Variants in ELAVL2 observed in about 807,000 individuals in gnomAD.
ELAVL2 encodes the protein ELAV like RNA binding protein 2, also known as ELAV-like protein 2.
A neutral mutation model predicts 34.6 loss-of-function variants in ELAVL2; 4 were observed. The ratio of observed to expected loss-of-function variants is 0.12; its 90% confidence interval spans 0.06 to 0.26. ELAVL2 has a LOEUF of 0.26. ELAVL2 is among the 10% of genes least tolerant of loss of function. The probability of loss-of-function intolerance (pLI) is 1.00; values close to 1 mark genes in which losing one functional copy is unlikely to be tolerated. For synonymous variants in ELAVL2, 193 were observed against 154.8 expected (o/e 1.25, Z -1.83); for missense variants, 432 against 442.8 (o/e 0.98, Z 0.22).
rs549208054 is a variant in ELAVL2, at chr9:23,709,182, G to A, written c.334-4111C>T. ...TCCTACCCCTATCCCTTTATTTACTGTTCTTGGAATTAAAACAGCTTCCTT... is the reference window on the plus strand; with the variant it reads ...TCCTACCCCTATCCCTTTATTTACTATTCTTGGAATTAAAACAGCTTCCTT... On this transcript the variant is annotated intron_variant, in intron 3 of 6. Coordinates refer to ENST00000397312, the MANE Select transcript of ELAVL2 (RefSeq NM_004432.5). Among the ~76,000 whole-genome samples the A allele has an allele frequency of 1.0e-3, 154 of 152,182 alleles. No individual in the cohort carries two copies. The Middle Eastern group carries it at 0.014, about 13-fold the overall frequency.
chr9:23,762,018 C>T lies in ELAVL2; in HGVS notation c.217G>A (p.Asp73Asn). ...GEIESCKLVR[D>N]KITGQSLGYG... ...TAAAACTGCTTACCTGTTATTTTGT[C>T]TCTTACAAGCTTACAGGACTCTATT... Residue 73 changes from aspartate to asparagine, a missense_variant, in exon 2 of 7, where the codon GAC becomes AAC. By Grantham distance (23) the Asp-to-Asn change is conservative. Around this residue, in one of 3 missense-constraint regions of ELAVL2, gnomAD observed 132 missense variants for 118.3 expected, o/e 1.12. Transcript: ENST00000397312. The T allele has an allele frequency of 6.2e-7, 1 of 1,611,246 alleles. No homozygotes were observed. The highest frequency in any genetic ancestry group is 8.5e-7 in the Non-Finnish European group (1 of 1,178,502).
intron 1 of ELAVL2, among the ~76,000 whole-genome samples, chr9:23,795,530 G>A (rs2060815072): frequency 6.6e-6 from 1 of 152,210 alleles, no homozygotes; most frequent in East Asian, 1.9e-4. Context: ...GCGAGACAGA[G>A]CAAGACTCCA....
At chr9:23,759,823 T>A (rs1409443865) in intron 2 of ELAVL2, among the ~76,000 whole-genome samples, 1 of 143,626 alleles carries the variant, frequency 7.0e-6, no homozygotes, top group Non-Finnish European at 1.5e-5. Flanking sequence ...TTTAGAAACA[T>A]CTTTCAATAC....
At chr9:23,803,382 G>A (rs1167581077) in intron 1 of ELAVL2, among the ~76,000 whole-genome samples, 1 of 152,196 alleles carries the variant, frequency 6.6e-6, no homozygotes, top group East Asian at 1.9e-4. Flanking sequence ...AAATGCTTGA[G>A]TATCTTATGA....
At chr9:23,807,081 C>A (rs2062332667) in intron 1 of ELAVL2, among the ~76,000 whole-genome samples, 1 of 152,086 alleles carries the variant, frequency 6.6e-6, no homozygotes, top group Non-Finnish European at 1.5e-5. Flanking sequence ...ATGGTATAAG[C>A]TAAAAGGCAT....
the ELAVL2 span, among the ~76,000 whole-genome samples, chr9:23,833,324 T>A: frequency 1.2e-4 from 18 of 151,824 alleles, no homozygotes; most frequent in Admixed American, 1.2e-3. Context: ...GAAAACAAGT[T>A]TGAATTACCA....
At chr9:23,752,937 G>A (rs1376760497) in intron 2 of ELAVL2, among the ~76,000 whole-genome samples, 1 of 152,064 alleles carries the variant, frequency 6.6e-6, no homozygotes, top group Admixed American at 6.6e-5. Context: ...TTTTAACTGC[G>A]AATCTGTTTC....
intron 5 of ELAVL2, among the ~76,000 whole-genome samples, chr9:23,700,608 C>T (rs1021174950): frequency 7.2e-5 from 11 of 152,208 alleles, no homozygotes; most frequent in Admixed American, 5.9e-4. Flanking sequence ...CTAAGAATGG[C>T]TTTTACATTT....
rs2033956885 is a variant in ELAVL2 at position 23,693,480 on chromosome 9, G to A, written c.720C>T (p.Asp240=). Reference sequence around the variant, plus strand: ...CTCCATAAGCCATATTGAGCAGATTGTCCAACCTGCAAAACACACATTTAG... The same window carrying A: ...CTCCATAAGCCATATTGAGCAGATTATCCAACCTGCAAAACACACATTTAG... ...LAQQAQRFRL[D]NLLNMAYGVK... is the part of the protein sequence containing the mutation. The change falls in exon 6 of 7, where the codon GAC becomes GAT. Residue 240 remains aspartate, a synonymous_variant. Transcript: ENST00000397312. The A allele has an allele frequency of 6.2e-7, 1 of 1,613,964 alleles. No homozygotes were observed. The highest frequency in any genetic ancestry group is 1.7e-5 in the Admixed American group (1 of 60,002).
intron 4 of ELAVL2, among the ~76,000 whole-genome samples, chr9:23,704,518 T>C (rs535040178): frequency 6.6e-6 from 1 of 152,278 alleles, no homozygotes; most frequent in African/African-American, 2.4e-5. Flanking sequence ...GGATGTAGTG[T>C]AATCCTCCCT....
chr9:23,776,185 G>C (rs999240856), intron 1 of ELAVL2, among the ~76,000 whole-genome samples: 1 of 152,182 alleles, frequency 6.6e-6, no homozygotes, highest in African/African-American at 2.4e-5. Flanking sequence ...GGAAAAAGGG[G>C]AAAGTAGGCT....
chr9:23,693,598 T>C (rs564858377), intron 5 of ELAVL2, 112 bp from the exon 6 acceptor site: 6 of 1,273,002 alleles, frequency 4.7e-6, no homozygotes, highest in South Asian at 2.5e-5. Context: ...ACTGATTATA[T>C]GTGAAGACTC....
chr9:23,741,961 T>G (rs1222390179), intron 2 of ELAVL2, among the ~76,000 whole-genome samples: 1 of 152,162 alleles, frequency 6.6e-6, no homozygotes, highest in African/African-American at 2.4e-5. Flanking sequence ...ACAGGCCTTC[T>G]AGAGTAATGG....
chr9:23,803,708 C>T (rs919524279), intron 1 of ELAVL2, among the ~76,000 whole-genome samples: 1 of 152,094 alleles, frequency 6.6e-6, no homozygotes, highest in Non-Finnish European at 1.5e-5. Flanking sequence ...GCTAGGAGTA[C>T]ACCACACTTA....
At chr9:23,695,521 G>A (rs992692693) in intron 5 of ELAVL2, among the ~76,000 whole-genome samples, 1 of 152,120 alleles carries the variant, frequency 6.6e-6, no homozygotes, top group African/African-American at 2.4e-5. Flanking sequence ...TTTTAACAAT[G>A]GGGATATGTT....
At chr9:23,753,034 G>A (rs1588109997) in intron 2 of ELAVL2, among the ~76,000 whole-genome samples, 1 of 152,140 alleles carries the variant, frequency 6.6e-6, no homozygotes, top group East Asian at 1.9e-4. Context: ...ACCAATAAAA[G>A]GGGCATCCAA....
At chr9:23,807,588 G>A (rs1425427491) in intron 1 of ELAVL2, among the ~76,000 whole-genome samples, 4 of 151,786 alleles carry the variant, frequency 2.6e-5, no homozygotes, top group Admixed American at 1.3e-4. Context: ...TTTCCTTTTA[G>A]TTATAATTTA....
chr9:23,818,940 C>G (rs1029037133), intron 1 of ELAVL2, among the ~76,000 whole-genome samples: 2 of 152,112 alleles, frequency 1.3e-5, no homozygotes, highest in African/African-American at 2.4e-5. Flanking sequence ...AAAAGCGTCA[C>G]AGGTTTTTTA....
At chr9:23,714,447 C>G (rs916854134) in intron 3 of ELAVL2, among the ~76,000 whole-genome samples, 2 of 152,180 alleles carry the variant, frequency 1.3e-5, no homozygotes, top group Non-Finnish European at 2.9e-5. Flanking sequence ...TGCTGGGAAG[C>G]CTGCAGCCTG....
Sources: allele counts gnomAD v4.1 joint callset (sites outside exome capture counted in the v4.1 genomes callset), GRCh38; gene constraint gnomAD v4.1.1; regional missense constraint gnomAD v4.1.1; transcripts MANE v1.5; gene names NCBI Gene and HGNC (gene_info 2026-07-23, HGNC 2026-07-21).